Variants in LIPC observed in about 807,000 individuals in gnomAD.
LIPC encodes the protein hepatic triacylglycerol lipase.
LIPC carries 44 observed loss-of-function variants against 50.7 expected under a neutral mutation model. The observed-to-expected ratio is 0.87, with a 90% CI of 0.68 to 1.11. LIPC has a LOEUF of 1.11. LIPC is among the 50% of genes most tolerant of loss of function. The pLI is 0.00. For missense variants in LIPC, 697 were observed against 648.2 expected (o/e 1.08, Z -0.82); for synonymous variants, 271 against 256.4 (o/e 1.06, Z -0.54).
intron 1 of LIPC, among the ~76,000 whole-genome samples, chr15:58,517,945 C>T (rs1892534314): frequency 6.6e-6 from 1 of 152,212 alleles, no homozygotes; most frequent in African/African-American, 2.4e-5. Flanking sequence ...AAGTGGGGCC[C>T]TGAACCCAGA....
rs75074890 is a variant in LIPC at position 58,448,510 on chromosome 15, G to C, written c.88+16390G>C. Among the ~76,000 whole-genome samples, 247 of 152,378 alleles carry C rather than the reference G, an allele frequency of 1.6e-3. 1 individual carries two copies. The highest frequency in any genetic ancestry group is 2.9e-3 in the Non-Finnish European group (200 of 68,040). ...TCAATAAGATGCACTCCCTCCCTGG[G>C]GAGGAGACCTAAAACAGACCGCAGG... On this transcript the variant is annotated intron_variant, in intron 1 of 8. Coordinates refer to ENST00000299022, the MANE Select transcript of LIPC (RefSeq NM_000236.3).
At chr15:58,529,158 A>G (rs1173419667) in intron 1 of LIPC, among the ~76,000 whole-genome samples, 2 of 152,014 alleles carry the variant, frequency 1.3e-5, no homozygotes, top group African/African-American at 4.8e-5. Flanking sequence ...TGATATATCA[A>G]ATAAAGTTTT....
intron 1 of LIPC, among the ~76,000 whole-genome samples, chr15:58,452,874 G>T (rs1236043800): frequency 1.3e-5 from 2 of 152,218 alleles, no homozygotes; most frequent in Non-Finnish European, 2.9e-5. Context: ...TGAGTGGTCT[G>T]CTCTTGCTCT....
chr15:58,489,701 C>A (rs1453398941), intron 1 of LIPC, among the ~76,000 whole-genome samples: 1 of 152,104 alleles, frequency 6.6e-6, no homozygotes, highest in Admixed American at 6.5e-5. Flanking sequence ...CCACATGACC[C>A]CTGAGCAGTA....
At chr15:58,481,476 A>G (rs1891186946) in intron 1 of LIPC, among the ~76,000 whole-genome samples, 1 of 152,210 alleles carries the variant, frequency 6.6e-6, no homozygotes, top group Non-Finnish European at 1.5e-5. Context: ...AAATCAGGAT[A>G]TATCCATGTA....
chr15:58,451,702 T>A (rs657045), intron 1 of LIPC, among the ~76,000 whole-genome samples: 1 of 151,924 alleles, frequency 6.6e-6, no homozygotes, highest in Non-Finnish European at 1.5e-5. Context: ...GGTTCGCTCC[T>A]TTGGAGGAGG....
chr15:58,460,847 C>G (rs745618951), intron 1 of LIPC, among the ~76,000 whole-genome samples: 2 of 152,208 alleles, frequency 1.3e-5, no homozygotes, highest in African/African-American at 4.8e-5. Context: ...GTGGCGTAGT[C>G]CCATGGCCTC....
At chr15:58,494,787 G>C (rs1290360667) in intron 1 of LIPC, 1 of 456,090 alleles carries the variant, frequency 2.2e-6, no homozygotes, top group Non-Finnish European at 4.4e-6. Context: ...ATGCACATAA[G>C]GAATCTGGAG....
At chr15:58,510,056 G>A (rs1205731606) in intron 1 of LIPC, among the ~76,000 whole-genome samples, 3 of 152,012 alleles carry the variant, frequency 2.0e-5, no homozygotes, top group South Asian at 2.1e-4. Flanking sequence ...ATGTACATGC[G>A]CAGAATTGTA....
At chr15:58,537,277 C>T (rs541212377) in intron 1 of LIPC, among the ~76,000 whole-genome samples, 19 of 152,326 alleles carry the variant, frequency 1.2e-4, no homozygotes, top group Middle Eastern at 3.4e-3. Flanking sequence ...GGACAGCTGT[C>T]GGGCTGCCTG....
In LIPC at chr15:58,541,747, A is replaced by G. The variant is rs765078912; in HGVS notation, c.274-38A>G. The G allele has an allele frequency of 2.5e-6, 4 of 1,600,540 alleles. No individual in the cohort carries two copies. The African/African-American group carries it at 5.4e-5, about 21-fold the overall frequency. On this transcript the variant is annotated intron_variant, in intron 2 of 8. Transcript: ENST00000299022. ...AAGGAAGAAGGGTGAGCGGGGAGAAAGGAAACTAGTGCGACCCTCCCTCTG... is the reference window on the plus strand; with the variant it reads ...AAGGAAGAAGGGTGAGCGGGGAGAAGGGAAACTAGTGCGACCCTCCCTCTG...
At chr15:58,442,426 C>T (rs1336440532) in intron 1 of LIPC, among the ~76,000 whole-genome samples, 1 of 152,186 alleles carries the variant, frequency 6.6e-6, no homozygotes, top group Non-Finnish European at 1.5e-5. Flanking sequence ...CAGTCAATGA[C>T]CCTTATGCCA....
chr15:58,562,806 C>CG (rs376241918), intron 7 of LIPC, among the ~76,000 whole-genome samples: 1,413 of 60,610 alleles, frequency 0.023, 32 homozygotes, highest in African/African-American at 0.13. Flanking sequence ...ACACAAGGGA[C>CG]CCCCCCCCAA....
chr15:58,469,859 T>C (rs1418817473), intron 1 of LIPC, among the ~76,000 whole-genome samples: 2 of 151,978 alleles, frequency 1.3e-5, no homozygotes, highest in African/African-American at 4.8e-5. Flanking sequence ...CCCAAGAGAA[T>C]AGAGGAGCTG....
chr15:58,547,888 G>A (rs757600336), intron 5 of LIPC, among the ~76,000 whole-genome samples: 3 of 152,110 alleles, frequency 2.0e-5, no homozygotes, highest in East Asian at 1.9e-4. Context: ...ATTAAGAGAA[G>A]AGGAGTCCCA....
chr15:58,536,689 T>G (rs990098891), intron 1 of LIPC, among the ~76,000 whole-genome samples: 29 of 152,186 alleles, frequency 1.9e-4, no homozygotes, highest in Non-Finnish European at 2.6e-4. Context: ...CTCTATAAGC[T>G]CAGAAAAGCC....
At chr15:58,544,570 A>G (rs1245796811) in intron 4 of LIPC, among the ~76,000 whole-genome samples, 2 of 151,608 alleles carry the variant, frequency 1.3e-5, no homozygotes, top group African/African-American at 4.8e-5. Context: ...TAATTTTTGT[A>G]TTTTTAGTAG....
At chr15:58,546,262 A>T (rs1365662443) in intron 5 of LIPC, among the ~76,000 whole-genome samples, 1 of 152,240 alleles carries the variant, frequency 6.6e-6, no homozygotes, top group Non-Finnish European at 1.5e-5. Flanking sequence ...GTGCCCAGGC[A>T]AACCCTCTCC....
chr15:58,538,099 T>C (rs890131923), intron 1 of LIPC, among the ~76,000 whole-genome samples: 1 of 152,172 alleles, frequency 6.6e-6, no homozygotes, highest in Non-Finnish European at 1.5e-5. Flanking sequence ...GGCTGGTCAC[T>C]GGGATAACAG....
Sources: allele counts gnomAD v4.1 joint callset (sites outside exome capture counted in the v4.1 genomes callset), GRCh38; gene constraint gnomAD v4.1.1; transcripts MANE v1.5; gene names NCBI Gene and HGNC (gene_info 2026-07-23, HGNC 2026-07-21).